Variants in TTC17 observed in about 807,000 individuals in gnomAD.
TTC17 encodes tetratricopeptide repeat protein 17.
A neutral mutation model predicts 143.8 loss-of-function variants in TTC17; 58 were observed. The ratio of observed to expected loss-of-function variants is 0.40; its 90% CI spans 0.33 to 0.50. TTC17 has a LOEUF of 0.50. TTC17 is among the 20% of genes least tolerant of loss of function. The probability of loss-of-function intolerance (pLI) is 0.49; values close to 1 mark genes in which losing one functional copy is unlikely to be tolerated. For synonymous variants in TTC17, 501 were observed against 497.8 expected (o/e 1.01, Z -0.09); for missense variants, 1,273 against 1,392.5 (o/e 0.91, Z 1.37).
At chr11:43,480,840 A>G (rs2134862621) in intron 21 of TTC17, among the ~76,000 whole-genome samples, 1 of 151,954 alleles carries the variant, frequency 6.6e-6, no homozygotes, top group African/African-American at 2.4e-5. Flanking sequence ...GGATAAAATA[A>G]TGAAGTAAGA....
intron 21 of TTC17, among the ~76,000 whole-genome samples, chr11:43,463,414 A>G: frequency 6.6e-6 from 1 of 152,322 alleles, no homozygotes; most frequent in East Asian, 1.9e-4. Context: ...TAGCATACAA[A>G]ATAAAAATAT....
intron 19 of TTC17, chr11:43,449,342 G>T (rs989055980): frequency 6.6e-5 from 10 of 152,188 alleles, no homozygotes; most frequent in African/African-American, 2.4e-4. Context: ...GTTCTCAGCT[G>T]GTTAATTCAT....
intron 21 of TTC17, among the ~76,000 whole-genome samples, chr11:43,479,783 C>T (rs1435466708): frequency 6.6e-6 from 1 of 152,140 alleles, no homozygotes; most frequent in Non-Finnish European, 1.5e-5. Flanking sequence ...GAACAGCTCC[C>T]ACCTCTAGGT....
At chr11:43,424,390 G>A (rs1337731072) in intron 16 of TTC17, among the ~76,000 whole-genome samples, 3 of 151,764 alleles carry the variant, frequency 2.0e-5, no homozygotes, top group Non-Finnish European at 2.9e-5. Flanking sequence ...CACTGTGCCC[G>A]GCCAAGAATC....
rs775035535 is a variant in TTC17 at position 43,397,400 on chromosome 11, A to G, written c.827A>G (p.His276Arg). 1.9e-6 allele frequency: 3 copies of G among 1,613,250 alleles called. No individual in the cohort carries two copies. The East Asian group carries it at 6.7e-5, about 36-fold the overall frequency. The change falls in exon 7 of 24, where the codon CAC becomes CGC. Residue 276 changes from histidine to arginine, a missense_variant. By Grantham distance (29) the His-to-Arg change is conservative. Transcript: ENST00000039989. ...VNLANVLHRA[H>R]FSADAAVVVH... Reference sequence around the variant, plus strand: ...CTGGCAAACGTTCTACACAGAGCACACTTCTCTGCTGATGCTGCTGTCGTG... The same window carrying G: ...CTGGCAAACGTTCTACACAGAGCACGCTTCTCTGCTGATGCTGCTGTCGTG...
intron 1 of TTC17, among the ~76,000 whole-genome samples, chr11:43,365,443 AT>A (rs1226212231): frequency 6.6e-6 from 1 of 151,474 alleles, no homozygotes; most frequent in Non-Finnish European, 1.5e-5. Flanking sequence ...TAATTTTTGT[AT>A]TTTTTGTAGA....
At chr11:43,442,782 A>G (rs1233695502) in intron 16 of TTC17, among the ~76,000 whole-genome samples, 2 of 152,326 alleles carry the variant, frequency 1.3e-5, no homozygotes, top group Admixed American at 1.3e-4. Flanking sequence ...TTTTAGAAAG[A>G]AATTATTGTA....
At chr11:43,433,469 C>G (rs1303296379) in intron 16 of TTC17, among the ~76,000 whole-genome samples, 1 of 152,152 alleles carries the variant, frequency 6.6e-6, no homozygotes, top group East Asian at 1.9e-4. Context: ...TTCTTCTTCT[C>G]CTCTCCCTCT....
rs990451494 is a variant in TTC17, at chr11:43,451,162, A to G, written c.2947-20A>G. 16 of 1,610,038 alleles carry G rather than the reference A, an allele frequency of 9.9e-6. No individual in the cohort carries two copies. Among genetic ancestry groups the G allele is most frequent in the Non-Finnish European group, 1.4e-5 (16 of 1,176,702 alleles). ...TGCATCGTTTTCATTCTTCTAATCTACTATCTTCCTTCCTTCCAGGTATTA... is the reference window on the plus strand; with the variant it reads ...TGCATCGTTTTCATTCTTCTAATCTGCTATCTTCCTTCCTTCCAGGTATTA... On this transcript the variant is annotated intron_variant, in intron 20 of 23. Transcript: ENST00000039989.
intron 21 of TTC17, among the ~76,000 whole-genome samples, chr11:43,485,778 G>T (rs1263222713): frequency 2.0e-5 from 3 of 151,996 alleles, no homozygotes; most frequent in Admixed American, 2.0e-4. Flanking sequence ...ACAGTACCTA[G>T]GGTTAGGAAG....
Position 43,404,054 on chromosome 11 carries a change from A to G in TTC17, c.1389A>G (p.Ser463=). ...SMMSVNFDVQ[S]NQSDINDSVK... is the part of the protein sequence containing the mutation. Reference sequence around the variant, plus strand: ...TGTCTGTGAACTTTGATGTTCAATCAAATCAGAGTGATATCAATGATTCGG... The same window carrying G: ...TGTCTGTGAACTTTGATGTTCAATCGAATCAGAGTGATATCAATGATTCGG... The change falls in exon 11 of 24, where the codon TCA becomes TCG. Residue 463 remains serine (S), a synonymous_variant. Transcript: ENST00000039989. The G allele has an allele frequency of 6.2e-7, 1 of 1,613,090 alleles. No homozygotes were observed. The highest frequency in any genetic ancestry group is 1.3e-5 in the African/African-American group (1 of 74,972).
At chr11:43,458,331 C>T (rs1947802275) in intron 21 of TTC17, among the ~76,000 whole-genome samples, 1 of 152,148 alleles carries the variant, frequency 6.6e-6, no homozygotes, top group Admixed American at 6.5e-5. Flanking sequence ...TCTGGTCTCT[C>T]CAGCTCCCCA....
At chr11:43,448,886 T>G (rs2134748326) in intron 19 of TTC17, 1 of 152,314 alleles carries the variant, frequency 6.6e-6, no homozygotes, top group Non-Finnish European at 1.5e-5. Flanking sequence ...ATAGCTCCAG[T>G]AATGCTTAGG....
intron 20 of TTC17, 109 bp from the exon 21 acceptor site, chr11:43,451,073 C>T (rs1331343035): frequency 9.9e-7 from 1 of 1,008,156 alleles, no homozygotes; most frequent in African/African-American, 1.6e-5. Flanking sequence ...GCATGTATCC[C>T]AGAAAAACAG....
intron 16 of TTC17, 117 bp from the exon 17 acceptor site, chr11:43,443,208 T>C (rs1208716199): frequency 8.6e-7 from 1 of 1,162,558 alleles, no homozygotes; most frequent in Non-Finnish European, 1.2e-6. Context: ...TACATTGGGC[T>C]ATAGTAGTGC....
intron 21 of TTC17, among the ~76,000 whole-genome samples, chr11:43,456,490 A>C (rs985364061): frequency 4.4e-4 from 67 of 152,242 alleles, no homozygotes; most frequent in African/African-American, 1.6e-3. Flanking sequence ...TATTCCAGTT[A>C]GGATGTAGTA....
Position 43,359,020 on chromosome 11 carries a change from C to A in TTC17, c.66C>A (p.Leu22=). The A allele has an allele frequency of 6.3e-7, 1 of 1,591,556 alleles. No individual in the cohort carries two copies. The highest frequency in any genetic ancestry group is 8.5e-7 in the Non-Finnish European group (1 of 1,170,234). The change falls in exon 1 of 24, where the codon CTC becomes CTA. Residue 22 remains leucine, a synonymous_variant. Coordinates refer to ENST00000039989, the MANE Select transcript of TTC17 (RefSeq NM_018259.6). ...CGCCTTGCTCCGGCCCAGGCTGGCT[C>A]CTCAGCCTTTCCGCCTTGCTGAGTG... is the stretch of plus-strand genomic sequence containing the variant. ...ELPPCSGPGW[L]LSLSALLSVA... is the part of the protein sequence containing the mutation.
At chr11:43,384,700 A>G (rs1857107396) in intron 2 of TTC17, among the ~76,000 whole-genome samples, 1 of 152,196 alleles carries the variant, frequency 6.6e-6, no homozygotes, top group East Asian at 1.9e-4. Context: ...ATGGGCACAA[A>G]TATTTTATAT....
At chr11:43,439,575 C>T (rs1947369740) in intron 16 of TTC17, among the ~76,000 whole-genome samples, 1 of 150,932 alleles carries the variant, frequency 6.6e-6, no homozygotes, top group Admixed American at 6.6e-5. Context: ...TCATGCCATT[C>T]TCCTGCCTCA....
Sources: allele counts gnomAD v4.1 joint callset (sites outside exome capture counted in the v4.1 genomes callset), GRCh38; gene constraint gnomAD v4.1.1; transcripts MANE v1.5; gene names NCBI Gene and HGNC (gene_info 2026-07-23, HGNC 2026-07-21).